The following FAM20C variants were observed in gnomAD, a reference collection of about 807,000 sequenced individuals.
The protein encoded by FAM20C is FAM20C golgi associated secretory pathway kinase.
Under a neutral mutation model 51.5 loss-of-function variants are expected in FAM20C, and 40 were observed. The observed-to-expected ratio is 0.78, with a 90% CI of 0.60 to 1.01. The LOEUF (loss-of-function observed/expected upper bound fraction) is 1.01. FAM20C is among the 50% of genes least tolerant of loss of function. FAM20C has a pLI of 0.00. For missense variants in FAM20C, 861 were observed against 844.7 expected, an observed-to-expected ratio of 1.02 and a Z score of -0.24; for synonymous variants, 406 against 380.6, an observed-to-expected ratio of 1.07 and a Z score of -0.78.
At chr7:195,087 A>G (rs575367750) in intron 1 of FAM20C, among the ~76,000 whole-genome samples, 13 of 152,336 alleles carry the variant, frequency 8.5e-5, no homozygotes, top group African/African-American at 2.9e-4. Context: ...GAACAAAAGC[A>G]GAGAGCTGGG....
intron 3 of FAM20C, among the ~76,000 whole-genome samples, chr7:218,975 A>C (rs1471579943): frequency 2.0e-5 from 3 of 152,082 alleles, no homozygotes; most frequent in African/African-American, 7.2e-5. Flanking sequence ...GGTCCAGCCC[A>C]AACCCAGTGG....
intron 3 of FAM20C, among the ~76,000 whole-genome samples, chr7:235,106 T>C (rs1041693532): frequency 1.3e-5 from 2 of 151,510 alleles, no homozygotes; most frequent in Non-Finnish European, 2.9e-5. Flanking sequence ...TTTCAAACTG[T>C]TTACACTGAG....
intron 5 of FAM20C, among the ~76,000 whole-genome samples, chr7:251,147 G>T (rs1788380750): frequency 6.6e-6 from 1 of 150,558 alleles, no homozygotes; most frequent in Admixed American, 6.6e-5. Context: ...AGGTCTTACT[G>T]AGTGGCCGGG....
chr7:250,696 G>A lies in FAM20C; in HGVS notation c.1072+2266G>A, dbSNP rs572904677. Among the ~76,000 whole-genome samples, 17 of 152,296 alleles carry A rather than the reference G, an allele frequency of 1.1e-4. No individual in the cohort carries two copies. The South Asian group carries it at 3.5e-3, about 32-fold the overall frequency. On this transcript the variant is annotated intron_variant, in intron 5 of 9. Coordinates refer to ENST00000313766, the MANE Select transcript of FAM20C (RefSeq NM_020223.4). ...CCGCACTGTCCAGCCACCGCCTCCT[G>A]CCCCACCGTCCACAGGACTGACCGC...
chr7:258,323 CG>C lies in FAM20C; in HGVS notation c.1446-319del, dbSNP rs1372413350. 9.9e-4 allele frequency among the ~76,000 whole-genome samples: 20 copies of C among 20,158 alleles called. 1 individual carries two copies. The highest frequency in any genetic ancestry group is 2.1e-3 in the East Asian group (2 of 946). The allele number at this position is 20,158 out of a possible 152,430, so 13.2% of individuals were successfully genotyped here. Reference sequence around the variant, plus strand: ...AGATGGGTGGGATGGACCCACTGCCCGGGGTGCTGGAGATGGGCAGGGTGGA... The same window carrying C: ...AGATGGGTGGGATGGACCCACTGCCCGGGTGCTGGAGATGGGCAGGGTGGA... On this transcript the variant is annotated intron_variant, in intron 8 of 9. Transcript: ENST00000313766.
Position 192,788 on chromosome 7 carries a change from G to C in FAM20C, c.-412G>C, listed in dbSNP as rs1191811080. 1.9e-4 allele frequency among the ~76,000 whole-genome samples: 28 copies of C among 145,890 alleles called. No individual in the cohort carries two copies. Among genetic ancestry groups the C allele is most frequent in the Admixed American group, 2.7e-4 (4 of 14,790 alleles). ...CCTGGAGAGGAGCGCGCTGAGGATCGGGACGCCTGCGGCCGCCGCCACCGC... is the reference window on the plus strand; with the variant it reads ...CCTGGAGAGGAGCGCGCTGAGGATCCGGACGCCTGCGGCCGCCGCCACCGC... On this transcript the variant is annotated 5_prime_UTR_variant, in exon 1 of 10. Transcript: ENST00000313766.
intron 3 of FAM20C, chr7:228,697 C>T (rs1444825635): frequency 1.3e-5 from 6 of 456,182 alleles, no homozygotes; most frequent in Admixed American, 9.4e-5. Flanking sequence ...CATCTCAGCA[C>T]AGCTGCCAGC....
At position 256,730 on chromosome 7, in the gene FAM20C, G is replaced by A. The variant is rs1341763536; in HGVS notation, c.1330G>A (p.Val444Ile). The A allele has an allele frequency of 2.0e-5, 30 of 1,536,110 alleles. No homozygotes were observed. The highest frequency in any genetic ancestry group is 2.4e-5 in the South Asian group (2 of 84,074). ...CGACAGCAGCCACCGCATCCTGGACGTCATGGACATGACGATCTTCGACTT... is the reference window on the plus strand; with the variant it reads ...CGACAGCAGCCACCGCATCCTGGACATCATGGACATGACGATCTTCGACTT... Reference protein sequence around the residue: ...PYDSSHRILDVMDMTIFDFLM... With the variant: ...PYDSSHRILDIMDMTIFDFLM... Residue 444 changes from valine to isoleucine, a missense_variant, in exon 7 of 10, where the codon GTC becomes ATC. Val to Ile is a conservative substitution (Grantham distance 29). Coordinates refer to ENST00000313766, the MANE Select transcript of FAM20C (RefSeq NM_020223.4).
intron 3 of FAM20C, among the ~76,000 whole-genome samples, chr7:220,606 A>G (rs1019356800): frequency 3.9e-5 from 6 of 152,158 alleles, no homozygotes; most frequent in African/African-American, 1.4e-4. Flanking sequence ...AAGTCCTAGG[A>G]GGCGGCGTTG....
intron 2 of FAM20C, among the ~76,000 whole-genome samples, chr7:203,520 C>T (rs929446000): frequency 1.5e-4 from 23 of 152,214 alleles, no homozygotes; most frequent in Admixed American, 1.0e-3. Flanking sequence ...AGGCCTGAGA[C>T]GCAGGGCAGC....
At chr7:214,686 G>A (rs192327489) in intron 3 of FAM20C, among the ~76,000 whole-genome samples, 9 of 152,204 alleles carry the variant, frequency 5.9e-5, no homozygotes, top group African/African-American at 1.9e-4. Flanking sequence ...GGTCTCAGGC[G>A]CTTGCAGGGC....
chr7:216,958 G>GC (rs1263814726), intron 3 of FAM20C, among the ~76,000 whole-genome samples: 2 of 152,122 alleles, frequency 1.3e-5, no homozygotes, highest in African/African-American at 4.8e-5. Flanking sequence ...AAAGGCAGGA[G>GC]CGGGGGCCCA....
chr7:202,055 G>T (rs879818450), intron 2 of FAM20C, among the ~76,000 whole-genome samples: 3 of 152,264 alleles, frequency 2.0e-5, no homozygotes, highest in Admixed American at 2.0e-4. Flanking sequence ...CGGGGAAGAA[G>T]CAGACTGTCA....
rs1003211153 is a variant in FAM20C at position 243,012 on chromosome 7, A to G, written c.864-3403A>G. On this transcript the variant is annotated intron_variant, in intron 3 of 9. Transcript: ENST00000313766. ...TGCCACCCGGGAGACCTGTGCCACC[A>G]GGAGACCTGTGCTAACCAGGAGACC... is the stretch of plus-strand genomic sequence containing the variant. 7.9e-3 allele frequency among the ~76,000 whole-genome samples: 776 copies of G among 98,090 alleles called. 7 individuals carry two copies. Among genetic ancestry groups the G allele is most frequent in the African/African-American group, 0.028 (689 of 24,342 alleles). 64.4% of individuals were successfully genotyped at this position (98,090 alleles called of 152,430 possible).
intron 3 of FAM20C, among the ~76,000 whole-genome samples, chr7:220,408 G>A (rs898150195): frequency 1.9e-5 from 2 of 105,498 alleles, no homozygotes; most frequent in African/African-American, 3.7e-5. Flanking sequence ...TTAAATTCCC[G>A]GGGGGCGTGG....
chr7:195,598 A>G lies in FAM20C; in HGVS notation c.650A>G (p.Glu217Gly). Residue 217 changes from glutamate to glycine, a missense_variant, in exon 2 of 10, where the codon GAG (glutamate) becomes GGG (glycine). Physicochemically the swap from Glu to Gly is moderately conservative, Grantham distance 98. This residue lies in a region of FAM20C where 561 missense variants were observed against 499.8 expected (regional missense o/e 1.12). Coordinates refer to ENST00000313766, the MANE Select transcript of FAM20C (RefSeq NM_020223.4). ...AEGAEFLSPG[E>G]AAVDSYPNWL... ...GGTGCAGAATTCCTCTCCCCCGGGG[A>G]GGCGGCCGTGGACTCCTATCCCAAC... The G allele has an allele frequency of 6.2e-7, 1 of 1,600,884 alleles. No individual in the cohort carries two copies. The highest frequency in any genetic ancestry group is 8.5e-7 in the Non-Finnish European group (1 of 1,173,252).
intron 5 of FAM20C, among the ~76,000 whole-genome samples, chr7:251,259 C>T (rs534264328): frequency 2.6e-5 from 3 of 113,912 alleles, no homozygotes; most frequent in South Asian, 2.8e-4. Flanking sequence ...TGGCCGGGCA[C>T]GGTGGCTCAC....
At chr7:235,125 GCGGCA>G (rs1787810512) in intron 3 of FAM20C, among the ~76,000 whole-genome samples, 1 of 151,954 alleles carries the variant, frequency 6.6e-6, no homozygotes, top group Non-Finnish European at 1.5e-5. Flanking sequence ...AGCCCAGGCT[GCGGCA>G]TTTTCAAACT....
intron 3 of FAM20C, chr7:228,639 C>A (rs1017998930): frequency 4.4e-6 from 2 of 456,148 alleles, no homozygotes; most frequent in Non-Finnish European, 4.4e-6. Context: ...CCTGTCCCAA[C>A]AAGAAGCTCA....
Sources: gnomAD v4.1 joint callset for allele counts (sites outside exome capture counted in the v4.1 genomes callset) on GRCh38, gnomAD v4.1.1 for gene constraint, gnomAD v4.1.1 regional missense constraint, MANE v1.5 for transcripts, NCBI Gene and HGNC (gene_info 2026-07-23, HGNC 2026-07-21) for gene names.